Variants in OTUD7B observed in about 807,000 individuals in gnomAD.
The protein encoded by OTUD7B is OTU deubiquitinase 7B, also known as OTU domain-containing protein 7B.
OTUD7B carries 34 observed loss-of-function variants against 82.2 expected under a neutral mutation model. The ratio of observed to expected loss-of-function variants is 0.41; its 90% confidence interval spans 0.31 to 0.55. The LOEUF is 0.55. OTUD7B is among the 20% of genes least tolerant of loss of function. The pLI is 0.20. For synonymous variants in OTUD7B, 398 were observed against 402.7 expected, an observed-to-expected ratio of 0.99 and a Z score of 0.14; for missense variants, 944 against 1,062.1, an observed-to-expected ratio of 0.89 and a Z score of 1.55.
the OTUD7B span, among the ~76,000 whole-genome samples, chr1:150,065,849 G>GTTTCTTTTTTTTTTTTTTTTTTTT: frequency 2.0e-5 from 3 of 151,534 alleles, no homozygotes; most frequent in African/African-American, 7.4e-5. Flanking sequence ...TGTTCAAAAT[G>GTTTCTTTTTTTTTTTTTTTTTTTT]TTTATGTTCC....
chr1:150,026,392 T>C, the OTUD7B span, among the ~76,000 whole-genome samples: 1 of 152,226 alleles, frequency 6.6e-6, no homozygotes, highest in Non-Finnish European at 1.5e-5. Context: ...TTTTGTCTCA[T>C]CATAACAGTA....
At chr1:150,046,119 C>T in the OTUD7B span, among the ~76,000 whole-genome samples, 2 of 152,080 alleles carry the variant, frequency 1.3e-5, no homozygotes, top group Non-Finnish European at 1.5e-5. Flanking sequence ...ATTCCTATGG[C>T]CTACAGGATG....
the OTUD7B span, among the ~76,000 whole-genome samples, chr1:150,044,762 T>C: frequency 7.2e-5 from 11 of 151,846 alleles, no homozygotes; most frequent in Admixed American, 2.0e-4. Context: ...CCCAACATTA[T>C]AGTCTGTCTA....
chr1:150,013,868 G>A (rs1216677778), upstream of OTUD7B, among the ~76,000 whole-genome samples: 45 of 142,338 alleles, frequency 3.2e-4, no homozygotes, highest in Middle Eastern at 0.02. Flanking sequence ...CTTGCAGTGA[G>A]ACGAGATCGC....
chr1:150,038,218 T>C, the OTUD7B span, among the ~76,000 whole-genome samples: 1 of 152,040 alleles, frequency 6.6e-6, no homozygotes, highest in Admixed American at 6.6e-5. Context: ...TTTAAATGAG[T>C]TATTTTCCCC....
intron 1 of OTUD7B, 24 bp from the exon 2 acceptor site, chr1:149,977,600 G>T: frequency 1.1e-6 from 1 of 890,698 alleles, no homozygotes; most frequent in Non-Finnish European, 1.9e-6. Flanking sequence ...AAATACATAA[G>T]GCTCAAATTA....
chr1:150,039,628 G>C, the OTUD7B span, among the ~76,000 whole-genome samples: 2 of 152,174 alleles, frequency 1.3e-5, no homozygotes, highest in African/African-American at 4.8e-5. Context: ...GCCTGCCTCG[G>C]CCTCCCGAAG....
the OTUD7B span, among the ~76,000 whole-genome samples, chr1:150,018,859 T>C: frequency 1.3e-5 from 2 of 152,144 alleles, no homozygotes; most frequent in South Asian, 4.1e-4. Context: ...AGACTTTCCT[T>C]TCCTTTAGTT....
chr1:149,996,320 G>A, intron 1 of OTUD7B, among the ~76,000 whole-genome samples: 1 of 152,182 alleles, frequency 6.6e-6, no homozygotes, highest in East Asian at 1.9e-4. Flanking sequence ...GTGCAAGTAT[G>A]CTTTTCAGCA....
At chr1:150,011,057 G>A (rs1653018205), upstream of OTUD7B, among the ~76,000 whole-genome samples, 1 of 152,172 alleles carries the variant, frequency 6.6e-6, no homozygotes, top group African/African-American at 2.4e-5. Flanking sequence ...AAAGGTGAGA[G>A]AGATGAAAAT....
the OTUD7B span, among the ~76,000 whole-genome samples, chr1:150,037,740 C>A: frequency 1.9e-3 from 292 of 152,104 alleles, no homozygotes; most frequent in African/African-American, 6.7e-3. Flanking sequence ...CAGGTGCATG[C>A]CACCATGCCC....
At chr1:150,059,306 C>G in the OTUD7B span, among the ~76,000 whole-genome samples, 6 of 42,288 alleles carry the variant, frequency 1.4e-4, 1 homozygote, top group African/African-American at 5.4e-4. Context: ...ACCCCCCCCC[C>G]CCCCGCCTCC....
At chr1:150,001,602 G>A (rs1308877455) in intron 1 of OTUD7B, among the ~76,000 whole-genome samples, 1 of 152,160 alleles carries the variant, frequency 6.6e-6, no homozygotes, top group Non-Finnish European at 1.5e-5. Context: ...CAGTTACACA[G>A]GAATTCAGAT....
At chr1:150,028,758 C>A in the OTUD7B span, among the ~76,000 whole-genome samples, 1 of 152,186 alleles carries the variant, frequency 6.6e-6, no homozygotes, top group African/African-American at 2.4e-5. Flanking sequence ...GCAACCTCCG[C>A]CTCCCAGGTT....
rs3816441 is a variant in OTUD7B at position 149,950,032 on chromosome 1, T to C, written c.973+62A>G. On this transcript the variant is annotated intron_variant, in intron 8 of 11. Coordinates refer to ENST00000581312, the MANE Select transcript of OTUD7B (RefSeq NM_020205.4). ...CCTTTCCTGCCTTCCTTCCAATGCT[T>C]AGCCTAAGGCTTTGCAAAAGGGGGT... 468 of 1,595,720 alleles carry C rather than the reference T, an allele frequency of 2.9e-4. 1 individual carries two copies. In the East Asian group the frequency reaches 0.01, roughly 34 times the overall value.
At chr1:150,023,002 G>C in the OTUD7B span, among the ~76,000 whole-genome samples, 2 of 151,928 alleles carry the variant, frequency 1.3e-5, no homozygotes, top group East Asian at 3.9e-4. Context: ...GTGTAGAACT[G>C]GGTACTAGAA....
At chr1:150,026,255 T>C in the OTUD7B span, among the ~76,000 whole-genome samples, 1 of 152,234 alleles carries the variant, frequency 6.6e-6, no homozygotes. Flanking sequence ...ATGAGCATTA[T>C]TTATTCTGGG....
intron 2 of OTUD7B, among the ~76,000 whole-genome samples, chr1:149,974,551 C>CCTTTTT (rs1559848221): frequency 1.2e-4 from 4 of 32,810 alleles, no homozygotes; most frequent in African/African-American, 3.2e-4. Context: ...TCTTAGTTAA[C>CCTTTTT]TTTTTTTTTT....
the OTUD7B span, chr1:150,054,251 A>G: frequency 4.4e-6 from 2 of 456,816 alleles, no homozygotes; most frequent in South Asian, 3.4e-5. Flanking sequence ...CCAAGGAAAA[A>G]AACCCTTCAG....
Sources: gnomAD v4.1 joint callset for allele counts (sites outside exome capture counted in the v4.1 genomes callset) on GRCh38, gnomAD v4.1.1 for gene constraint, MANE v1.5 for transcripts, NCBI Gene and HGNC (gene_info 2026-07-23, HGNC 2026-07-21) for gene names.